The following PIWIL1 variants were observed in gnomAD, a reference collection of about 807,000 sequenced individuals.
PIWIL1 encodes piwi like RNA-mediated gene silencing 1, also known as piwi-like protein 1.
In PIWIL1, 73 loss-of-function variants were observed where a neutral mutation model predicts 114.4. The ratio of observed to expected loss-of-function variants is 0.64; its 90% CI spans 0.53 to 0.78. The LOEUF is 0.78. PIWIL1 is among the 30% of genes least tolerant of loss of function. PIWIL1 has a pLI of 0.00. For synonymous variants in PIWIL1, 375 were observed against 369.0 expected (o/e 1.02, Z -0.19); for missense variants, 723 against 1,063.1 (o/e 0.68, Z 4.45).
chr12:130,346,809 A>G, intron 5 of PIWIL1, 132 bp from the exon 6 acceptor site: 1 of 1,164,066 alleles, frequency 8.6e-7, no homozygotes, highest in South Asian at 1.6e-5. Flanking sequence ...TTTTTCTCAG[A>G]GCCATTTAAA....
the PIWIL1 span, chr12:130,412,606 G>A: frequency 1.2e-6 from 2 of 1,612,442 alleles, no homozygotes; most frequent in Admixed American, 3.3e-5. Context: ...GTCGAATAGG[G>A]GTTTGCGCTT....
chr12:130,392,407 A>G, the PIWIL1 span, among the ~76,000 whole-genome samples: 59 of 139,130 alleles, frequency 4.2e-4, no homozygotes, highest in African/African-American at 1.7e-3. Context: ...TGAATATTGA[A>G]TGTTGTGAGG....
the PIWIL1 span, among the ~76,000 whole-genome samples, chr12:130,400,762 G>C: frequency 6.6e-6 from 1 of 152,116 alleles, no homozygotes; most frequent in Non-Finnish European, 1.5e-5. Context: ...AACATATAAA[G>C]AACATCAAAA....
rs1333744119 is a variant in PIWIL1, at chr12:130,342,994, A to G, written c.83A>G (p.Gln28Arg). ...TTTATTTGCATGTAACTACAGAGTC[A>G]GCAACCTGGTTATATTCAGCCTAGG... ...TAQLVGSTAS[Q>R]QPGYIQPRPQ... is the part of the protein sequence containing the mutation. The change falls in exon 3 of 21, where the codon CAG (glutamine) becomes CGG (arginine). Residue 28 changes from glutamine to arginine, a missense_variant. Physicochemically the swap from Gln to Arg is conservative, Grantham distance 43. Coordinates refer to ENST00000245255, the MANE Select transcript of PIWIL1 (RefSeq NM_004764.5). 1 of 1,613,078 alleles carries G rather than the reference A, an allele frequency of 6.2e-7. No homozygotes were observed. The highest frequency in any genetic ancestry group is 8.5e-7 in the Non-Finnish European group (1 of 1,179,012).
At chr12:130,397,306 AG>A in the PIWIL1 span, 1 of 398,500 alleles carries the variant, frequency 2.5e-6, no homozygotes. Context: ...TGAAAGCCCT[AG>A]TTTGGAATTA....
chr12:130,422,332 A>G, the PIWIL1 span: 88 of 601,404 alleles, frequency 1.5e-4, no homozygotes, highest in East Asian at 2.4e-3. This position sits in a 1 kb window ranked among gnomAD's most constrained non-coding sequence, Gnocchi z 5.2. Flanking sequence ...TTTGCCATGA[A>G]TAACAGTGTT....
chr12:130,380,189 G>T, the PIWIL1 span, among the ~76,000 whole-genome samples: 33 of 70,340 alleles, frequency 4.7e-4, no homozygotes, highest in Middle Eastern at 0.013. Context: ...CTCATCCCAA[G>T]TCCCATCCAA....
At chr12:130,356,532 C>T (rs576917939) in intron 12 of PIWIL1, among the ~76,000 whole-genome samples, 23 of 152,140 alleles carry the variant, frequency 1.5e-4, no homozygotes, top group Middle Eastern at 3.4e-3. Flanking sequence ...AGCTTGCTTG[C>T]GGCATATAAC....
At chr12:130,361,430 A>T in intron 15 of PIWIL1, 50 bp downstream of exon 15, 1 of 1,609,862 alleles carries the variant, frequency 6.2e-7, no homozygotes, top group South Asian at 1.1e-5. Flanking sequence ...GTATTTAAGA[A>T]CATGGATTTA....
the PIWIL1 span, chr12:130,398,017 A>C: frequency 6.5e-6 from 1 of 152,802 alleles, no homozygotes. Flanking sequence ...TACTATAGAA[A>C]TATTGGAGAT....
the PIWIL1 span, among the ~76,000 whole-genome samples, chr12:130,421,502 C>T: frequency 2.6e-5 from 4 of 152,246 alleles, no homozygotes; most frequent in Non-Finnish European, 4.4e-5. Context: ...TTTATGAAGC[C>T]TTTCTTCATT....
intron 3 of PIWIL1, chr12:130,345,489 C>T: frequency 2.9e-6 from 1 of 343,858 alleles, no homozygotes. Context: ...GGCTTGATCT[C>T]TTGATTCAAG....
chr12:130,416,585 A>G, the PIWIL1 span, among the ~76,000 whole-genome samples: 1 of 152,256 alleles, frequency 6.6e-6, no homozygotes, highest in East Asian at 1.9e-4. Context: ...AAGGTGGATC[A>G]AAGATTTGAA....
chr12:130,365,517 C>G (rs1293754405), intron 18 of PIWIL1, among the ~76,000 whole-genome samples: 1 of 152,164 alleles, frequency 6.6e-6, no homozygotes, highest in African/African-American at 2.4e-5. Context: ...CAATGTTTGT[C>G]TAATAGTTAT....
At chr12:130,417,393 T>C in the PIWIL1 span, among the ~76,000 whole-genome samples, 1 of 152,228 alleles carries the variant, frequency 6.6e-6, no homozygotes, top group Non-Finnish European at 1.5e-5. Flanking sequence ...CCACATGGAA[T>C]GCTATGCAGC....
intron 18 of PIWIL1, 87 bp downstream of exon 18, chr12:130,363,231 G>C: frequency 7.4e-7 from 1 of 1,342,996 alleles, no homozygotes; most frequent in South Asian, 1.3e-5. Flanking sequence ...GAAAGGATGA[G>C]GGAGAACCTA....
Position 130,342,607 on chromosome 12 carries a change from C to T in PIWIL1, c.16C>T (p.Arg6Ter). 1 of 1,613,464 alleles carries T rather than the reference C, an allele frequency of 6.2e-7. No homozygotes were observed. The highest frequency in any genetic ancestry group is 8.5e-7 in the Non-Finnish European group (1 of 1,179,500). MTGRA[R>*]ARARGRARGQ... ...ATAGAAAACAATGACTGGGAGAGCC[C>T]GAGCCAGAGCCAGAGGAAGGGCCCG... The change falls in exon 2 of 21, where the codon CGA (arginine) becomes TGA (stop). Residue 6 changes from arginine (R) to a stop codon, truncating the protein, a stop_gained. Coordinates refer to ENST00000245255, the MANE Select transcript of PIWIL1 (RefSeq NM_004764.5). LOFTEE classifies it high-confidence loss of function.
At position 130,358,526 on chromosome 12, in the gene PIWIL1, A is replaced by G. The variant is rs182128458; in HGVS notation, c.1665+973A>G. On this transcript the variant is annotated intron_variant, in intron 14 of 20. Coordinates refer to ENST00000245255, the MANE Select transcript of PIWIL1 (RefSeq NM_004764.5). The stretch of plus-strand genomic sequence containing the variant: ...ACCCTCACAGCACTTCTGAAGTTTA[A>G]TGGCGGTGTCATGCCCGGCCCCTCC... 3.1e-4 allele frequency among the ~76,000 whole-genome samples: 47 copies of G among 152,160 alleles called. 1 individual carries two copies. Among genetic ancestry groups the G allele is most frequent in the Middle Eastern group, 3.4e-3 (1 of 292 alleles).
intron 1 of PIWIL1, chr12:130,339,396 G>A (rs1321085301): frequency 6.6e-6 from 1 of 152,282 alleles, no homozygotes; most frequent in Non-Finnish European, 1.5e-5. Flanking sequence ...TGGCCAGAGA[G>A]ACCCCGCTCG....
Sources: gnomAD v4.1 joint callset for allele counts (sites outside exome capture counted in the v4.1 genomes callset) on GRCh38, gnomAD v4.1.1 for gene constraint, Gnocchi (gnomAD v3.1) non-coding constraint, MANE v1.5 for transcripts, NCBI Gene and HGNC (gene_info 2026-07-23, HGNC 2026-07-21) for gene names.